FASN: variants seen among roughly 807,000 people sequenced by gnomAD.
The protein encoded by FASN is fatty acid synthase.
FASN carries 50 observed loss-of-function variants against 250.0 expected under a neutral mutation model. That is an observed-to-expected ratio of 0.20 (90% CI 0.16 to 0.25). The LOEUF is 0.25. Among genes scored for constraint, FASN ranks in the 10% least tolerant of loss-of-function variants. FASN has a pLI of 1.00. For missense variants in FASN, 3,031 were observed against 3,498.5 expected (o/e 0.87, Z 3.37); for synonymous variants, 1,909 against 1,584.0 (o/e 1.21, Z -4.87).
chr17:82,081,096 C>G (rs1884166802), intron 38 of FASN, 68 bp downstream of exon 38: 5 of 1,516,110 alleles, frequency 3.3e-6, no homozygotes, highest in Non-Finnish European at 4.4e-6. Context: ...GGGACACGGT[C>G]CAGACAACAA....
rs1235679647 is a variant in FASN at position 82,090,778 on chromosome 17, G to A, written c.1680+104C>T. On this transcript the variant is annotated intron_variant, in intron 10 of 42. Transcript: ENST00000306749. ...CCAGCACAAGGCTCTGCCTAGCAAA[G>A]GGGCTGTCAGGGGCCCCGGACTCAA... 4 of 1,315,370 alleles carry A rather than the reference G, an allele frequency of 3.0e-6. No individual in the cohort carries two copies. The African/African-American group carries it at 4.4e-5, about 14-fold the overall frequency. 81.5% of individuals were successfully genotyped at this position (1,315,370 alleles called of 1,614,324 possible).
At chr17:82,082,447 T>TCCAGGGCCTCACCCGTCCAC in intron 34 of FASN, 33 bp from the exon 35 acceptor site, 1 of 1,612,190 alleles carries the variant, frequency 6.2e-7, no homozygotes, top group Non-Finnish European at 8.5e-7. Flanking sequence ...TCCCTGCAGC[T>TCCAGGGCCTCACCCGTCCAC]CCAGGGCCTC....
At position 82,088,419 on chromosome 17, in the gene FASN, C is replaced by T; in HGVS notation, c.2564G>A (p.Gly855Asp). ...GTTGTAGATGGCGGCTGAGGGGGAA[C>T]CTGAACCGTTGGGGAAGTCCTCGGC... Reference protein sequence around the residue: ...PAAEDFPNGSGSPSAAIYNID... With the variant: ...PAAEDFPNGSDSPSAAIYNID... The change falls in exon 16 of 43, where the codon GGT (glycine) becomes GAT (aspartate). Residue 855 changes from glycine to aspartate, a missense_variant. Coordinates refer to ENST00000306749, the MANE Select transcript of FASN (RefSeq NM_004104.5). 6.2e-7 allele frequency: 1 copy of T among 1,612,208 alleles called. No individual in the cohort carries two copies. The highest frequency in any genetic ancestry group is 8.5e-7 in the Non-Finnish European group (1 of 1,179,566).
chr17:82,085,277 C>G lies in FASN; in HGVS notation c.4248G>C (p.Pro1416=), dbSNP rs200707478. The change falls in exon 24 of 43, where the codon CCG becomes CCC. Residue 1416 remains proline (P), a synonymous_variant. Transcript: ENST00000306749. The part of the protein sequence containing the change: ...PTPQDSPIFL[P]VDDTSFRWVE... ...CCCAGCGGAAGCTGGTATCGTCCAC[C>G]GGCAGGAAGATGGGGCTGTCCTGCG... 5.0e-6 allele frequency: 8 copies of G among 1,611,492 alleles called. No homozygotes were observed. The highest frequency in any genetic ancestry group is 2.2e-5 in the East Asian group (1 of 44,822).
intron 36 of FASN, 55 bp from the exon 37 acceptor site, chr17:82,081,898 G>A: frequency 6.0e-6 from 2 of 330,904 alleles, no homozygotes; most frequent in Non-Finnish European, 1.0e-5. Context: ...GTGGGGAGTG[G>A]CCACTGGGAG....
At chr17:82,094,056 C>T in intron 3 of FASN, 1 of 521,800 alleles carries the variant, frequency 1.9e-6, no homozygotes, top group South Asian at 2.0e-5. Context: ...GGGGAGGGCA[C>T]CAGGCACGGC....
chr17:82,089,055 C>T lies in FASN; in HGVS notation c.2218G>A (p.Val740Met), dbSNP rs1307320936. The change falls in exon 14 of 43, where the codon GTG becomes ATG. Residue 740 changes from valine to methionine, a missense_variant. Coordinates refer to ENST00000306749, the MANE Select transcript of FASN (RefSeq NM_004104.5). ...GCCTCCTGGAACAGCACAGGGCTCA[C>T]CAGGTTGTTGACATTGTACTCGGCG... ...SSAEYNVNNL[V>M]SPVLFQEALW... 1 of 1,601,306 alleles carries T rather than the reference C, an allele frequency of 6.2e-7. No individual in the cohort carries two copies. The highest frequency in any genetic ancestry group is 1.3e-5 in the African/African-American group (1 of 74,450).
chr17:82,082,887 G>A, intron 33 of FASN, 27 bp downstream of exon 33: 1 of 1,611,290 alleles, frequency 6.2e-7, no homozygotes, highest in Non-Finnish European at 8.5e-7. Flanking sequence ...GGCCCAGGCT[G>A]GTCCACAAGC....
Position 82,089,353 on chromosome 17 carries a change from C to T in FASN, c.1997G>A (p.Arg666Lys). Residue 666 changes from arginine (R) to lysine (K), a missense_variant, in exon 13 of 43, where the codon AGG becomes AAG. Transcript: ENST00000306749. ...CTCCTTGGCAAACACACCCTCCTTC[C>T]TCAGCTGCTCCACGAACTCAAACAC... ...APVFEFVEQL[R>K]KEGVFAKEVR... The T allele has an allele frequency of 6.2e-7, 1 of 1,612,854 alleles. No individual in the cohort carries two copies. Among genetic ancestry groups the T allele is most frequent in the South Asian group, 1.1e-5 (1 of 91,084 alleles).
At position 82,088,444 on chromosome 17, in the gene FASN, C is replaced by G; in HGVS notation, c.2539G>C (p.Ala847Pro). The change falls in exon 16 of 43, where the codon GCC (alanine) becomes CCC (proline). Residue 847 changes from alanine (A) to proline (P), a missense_variant. Coordinates refer to ENST00000306749, the MANE Select transcript of FASN (RefSeq NM_004104.5). ...DHSLAWDVPA[A>P]EDFPNGSGSP... ...CCTGAACCGTTGGGGAAGTCCTCGG[C>G]GGCCGGCACGTCCCAGGCCAGGCTG... The G allele has an allele frequency of 1.2e-6, 2 of 1,611,644 alleles. No individual in the cohort carries two copies. Among genetic ancestry groups the G allele is most frequent in the Middle Eastern group, 1.7e-4 (1 of 6,060 alleles).
Position 82,085,637 on chromosome 17 carries a change from C to T in FASN, c.3967G>A (p.Gly1323Arg), listed in dbSNP as rs377195488. The change falls in exon 23 of 43, where the codon GGG becomes AGG. Residue 1323 changes from glycine (G) to arginine (R), a missense_variant. Coordinates refer to ENST00000306749, the MANE Select transcript of FASN (RefSeq NM_004104.5). ...LVCNCAVAAL[G>R]DPASALSNMV... The stretch of plus-strand genomic sequence containing the variant: ...TTGCTGAGAGCTGAGGCCGGGTCCC[C>T]GAGGGCAGCCACAGCACAGTTGCAC... 63 of 1,595,100 alleles carry T rather than the reference C, an allele frequency of 3.9e-5. No individual in the cohort carries two copies. The highest frequency in any genetic ancestry group is 3.6e-4 in the African/African-American group (27 of 74,570).
intron 2 of FASN, among the ~76,000 whole-genome samples, chr17:82,096,105 G>C (rs567924502): frequency 1.3e-5 from 2 of 152,360 alleles, no homozygotes; most frequent in South Asian, 4.1e-4. Flanking sequence ...CTCCTGGCAG[G>C]CTGGGCGCAT....
At chr17:82,094,996 T>C (rs1473980937) in intron 3 of FASN, among the ~76,000 whole-genome samples, 8 of 151,220 alleles carry the variant, frequency 5.3e-5, no homozygotes, top group Admixed American at 1.3e-4. Context: ...GGTGGGGGCC[T>C]GGAGGGCCCC....
chr17:82,097,333 C>T (rs2034320672), intron 1 of FASN: 1 of 152,630 alleles, frequency 6.6e-6, no homozygotes, highest in African/African-American at 2.4e-5. Context: ...GCCGGCTCCT[C>T]CTCCAGCATG....
intron 41 of FASN, 82 bp from the exon 42 acceptor site, chr17:82,079,690 T>A (rs2033953866): frequency 6.6e-7 from 1 of 1,506,286 alleles, no homozygotes; most frequent in African/African-American, 1.4e-5. Flanking sequence ...TGGGCTTTTT[T>A]TTTTTGAGAC....
Position 82,085,769 on chromosome 17 carries a change from C to T in FASN, c.3835G>A (p.Ala1279Thr), listed in dbSNP as rs1395727011. ...AGCTCGGCCTGGGCAGCCTCCAGGG[C>T]CTGGGGGTGGCGGTCGGTGGCCGTG... is the stretch of plus-strand genomic sequence containing the variant. ...SYTATDRHPQALEAAQAELQQ... is the reference protein window; with the variant it reads ...SYTATDRHPQTLEAAQAELQQ... Residue 1279 changes from alanine (A) to threonine (T), a missense_variant, in exon 23 of 43, where the codon GCC becomes ACC. Ala to Thr is a moderately conservative substitution (Grantham distance 58). Coordinates refer to ENST00000306749, the MANE Select transcript of FASN (RefSeq NM_004104.5). The T allele has an allele frequency of 7.7e-6, 12 of 1,564,542 alleles. No individual in the cohort carries two copies. Among genetic ancestry groups the T allele is most frequent in the Non-Finnish European group, 1.0e-5 (12 of 1,154,906 alleles).
chr17:82,081,792 G>A lies in FASN; in HGVS notation c.6215C>T (p.Thr2072Met), dbSNP rs755410667. ...AIGDVGILVE[T>M]MSTNDTIVSG... ...GACGATCGTGTCGTTGGTGCTCATCGTCTCCACCAAAATGCCCACGTCGCC... is the reference window on the plus strand; with the variant it reads ...GACGATCGTGTCGTTGGTGCTCATCATCTCCACCAAAATGCCCACGTCGCC... Residue 2072 changes from threonine to methionine, a missense_variant, in exon 37 of 43, where the codon ACG (threonine) becomes ATG (methionine). Coordinates refer to ENST00000306749, the MANE Select transcript of FASN (RefSeq NM_004104.5). 15 of 1,612,102 alleles carry A rather than the reference G, an allele frequency of 9.3e-6. No homozygotes were observed. The highest frequency in any genetic ancestry group is 6.7e-5 in the East Asian group (3 of 44,880).
In FASN at chr17:82,083,122, C is replaced by G; in HGVS notation, c.5566-7G>C. 1 of 1,610,182 alleles carries G rather than the reference C, an allele frequency of 6.2e-7. No homozygotes were observed. Among genetic ancestry groups the G allele is most frequent in the Middle Eastern group, 1.7e-4 (1 of 6,060 alleles). ...CCGGCTCCTCCGCAAGCACCTGCGT[C>G]CAAGCAGCACCCACCGGCTCAGGCA... On this transcript the variant is annotated splice_region_variant and splice_polypyrimidine_tract_variant and intron_variant, in intron 32 of 42. Coordinates refer to ENST00000306749, the MANE Select transcript of FASN (RefSeq NM_004104.5).
chr17:82,090,914 C>G lies in FASN; in HGVS notation c.1648G>C (p.Val550Leu). Reference sequence around the variant, plus strand: ...GCAGTCAGGCTCACAAACGAATGGACGATGTCATCAAAGGTGCTCTCGTCT... The same window carrying G: ...GCAGTCAGGCTCACAAACGAATGGAGGATGTCATCAAAGGTGCTCTCGTCT... ...STDESTFDDIVHSFVSLTAIQ... is the reference protein window; with the variant it reads ...STDESTFDDILHSFVSLTAIQ... Residue 550 changes from valine (V) to leucine (L), a missense_variant, in exon 10 of 43, where the codon GTC (valine) becomes CTC (leucine). By Grantham distance (32) the Val-to-Leu change is conservative (BLOSUM62 1). Coordinates refer to ENST00000306749, the MANE Select transcript of FASN (RefSeq NM_004104.5). 1 of 1,607,120 alleles carries G rather than the reference C, an allele frequency of 6.2e-7. No homozygotes were observed. The highest frequency in any genetic ancestry group is 8.5e-7 in the Non-Finnish European group (1 of 1,177,452).
Sources: allele counts gnomAD v4.1 joint callset (sites outside exome capture counted in the v4.1 genomes callset), GRCh38; gene constraint gnomAD v4.1.1; transcripts MANE v1.5; gene names NCBI Gene and HGNC (gene_info 2026-07-23, HGNC 2026-07-21).